Variants in TRPM3 observed in about 807,000 individuals in gnomAD.
The protein encoded by TRPM3 is transient receptor potential cation channel subfamily M member 3.
A neutral mutation model predicts 181.2 loss-of-function variants in TRPM3; 77 were observed. The observed-to-expected ratio is 0.42, with a 90% CI of 0.35 to 0.51. TRPM3 has a LOEUF of 0.51. TRPM3 is among the 20% of genes least tolerant of loss of function. The probability of loss-of-function intolerance (pLI) is 0.01; values close to 1 mark genes in which losing one functional copy is unlikely to be tolerated. For synonymous variants in TRPM3, 745 were observed against 796.4 expected (o/e 0.94, Z 1.09); for missense variants, 1,759 against 2,196.7 (o/e 0.80, Z 3.98).
intron 1 of TRPM3, among the ~76,000 whole-genome samples, chr9:71,037,342 T>C (rs1410579740): frequency 6.6e-6 from 1 of 152,164 alleles, no homozygotes; most frequent in African/African-American, 2.4e-5. Context: ...AATACTAAAT[T>C]TAAAGTTTGA....
At chr9:70,668,672 GAAAAAAA>G (rs57929544) in intron 9 of TRPM3, among the ~76,000 whole-genome samples, 119 of 86,518 alleles carry the variant, frequency 1.4e-3, no homozygotes, top group African/African-American at 3.8e-3. Context: ...CTCAAAAAAA[GAAAAAAA>G]AAAAAAAAAA....
chr9:70,566,425 G>A (rs1202979558), intron 22 of TRPM3, among the ~76,000 whole-genome samples: 1 of 152,158 alleles, frequency 6.6e-6, no homozygotes, highest in Non-Finnish European at 1.5e-5. Flanking sequence ...AGAGGAAAGA[G>A]CACCGAGAGG....
At chr9:70,604,696 T>C (rs2060683677) in intron 19 of TRPM3, among the ~76,000 whole-genome samples, 1 of 152,168 alleles carries the variant, frequency 6.6e-6, no homozygotes, top group Non-Finnish European at 1.5e-5. Flanking sequence ...CAGGCTGGAG[T>C]GCAGTGGCAT....
At chr9:70,543,251 A>G (rs1167089783) in intron 25 of TRPM3, among the ~76,000 whole-genome samples, 1 of 152,030 alleles carries the variant, frequency 6.6e-6, no homozygotes, top group Admixed American at 6.5e-5. Flanking sequence ...TATGGAGTAC[A>G]TGAGATGTTT....
intron 1 of TRPM3, among the ~76,000 whole-genome samples, chr9:71,126,735 A>G (rs2074053436): frequency 6.6e-6 from 1 of 152,188 alleles, no homozygotes; most frequent in South Asian, 2.1e-4. Flanking sequence ...TCTCATAACT[A>G]CAATTGTTAT....
At chr9:71,263,690 A>G (rs1217067980) in intron 1 of TRPM3, among the ~76,000 whole-genome samples, 1 of 152,234 alleles carries the variant, frequency 6.6e-6, no homozygotes, top group Non-Finnish European at 1.5e-5. Context: ...TCCAGGTACA[A>G]GATGTCCATG....
intron 8 of TRPM3, among the ~76,000 whole-genome samples, chr9:70,697,797 G>T (rs562446766): frequency 1.6e-4 from 24 of 152,260 alleles, no homozygotes; most frequent in African/African-American, 5.8e-4. Context: ...AATGGTATAT[G>T]GTTCTCCAGC....
At chr9:71,342,910 C>A (rs2091055308) in intron 1 of TRPM3, among the ~76,000 whole-genome samples, 2 of 152,018 alleles carry the variant, frequency 1.3e-5, no homozygotes, top group African/African-American at 4.8e-5. Context: ...AGCTATCAAG[C>A]TACAACAAAA....
chr9:70,808,102 A>G (rs2091091967), intron 6 of TRPM3, among the ~76,000 whole-genome samples: 2 of 152,198 alleles, frequency 1.3e-5, no homozygotes, highest in Admixed American at 6.5e-5. Flanking sequence ...GATGAAAAAT[A>G]TGAAAGGTAG....
intron 8 of TRPM3, chr9:70,760,784 T>C (rs1292868120): frequency 6.6e-6 from 1 of 152,024 alleles, no homozygotes; most frequent in Non-Finnish European, 1.5e-5. Context: ...GGTGATCCAC[T>C]GCATTGGCTT....
intron 1 of TRPM3, among the ~76,000 whole-genome samples, chr9:71,323,002 C>A (rs1310082866): frequency 6.6e-6 from 1 of 151,984 alleles, no homozygotes; most frequent in Non-Finnish European, 1.5e-5. Flanking sequence ...ATCTTTTTTG[C>A]CCTTTGTTAA....
intron 22 of TRPM3, among the ~76,000 whole-genome samples, chr9:70,581,410 A>G (rs1438115078): frequency 1.3e-5 from 2 of 152,246 alleles, no homozygotes; most frequent in Non-Finnish European, 2.9e-5. Flanking sequence ...AGCCGCAGGA[A>G]GCGACTCGCT....
At chr9:71,246,550 A>C (rs990886118) in intron 1 of TRPM3, among the ~76,000 whole-genome samples, 1 of 152,250 alleles carries the variant, frequency 6.6e-6, no homozygotes, top group Non-Finnish European at 1.5e-5. Context: ...AAGGAAAAAG[A>C]AAAGCAAACA....
At position 70,610,819 on chromosome 9, in the gene TRPM3, T is replaced by A. The variant is rs961898187; in HGVS notation, c.2527-70A>T. 3.8e-6 allele frequency: 6 copies of A among 1,565,258 alleles called. No homozygotes were observed. The African/African-American group carries it at 8.2e-5, about 21-fold the overall frequency. On this transcript the variant is annotated intron_variant, in intron 18 of 25. Transcript: ENST00000677713. ...AGCATGTTGTTCAATGTGCTTACTTTACAGATGAGGAAAGGATGCTCATAG... is the reference window on the plus strand; with the variant it reads ...AGCATGTTGTTCAATGTGCTTACTTAACAGATGAGGAAAGGATGCTCATAG...
intron 1 of TRPM3, among the ~76,000 whole-genome samples, chr9:71,300,071 T>C (rs2086637575): frequency 6.6e-6 from 1 of 152,136 alleles, no homozygotes. Flanking sequence ...ATCTCTGTGC[T>C]TGGAGCTGTA....
At chr9:71,312,098 C>T (rs371236494) in intron 1 of TRPM3, among the ~76,000 whole-genome samples, 81 of 152,168 alleles carry the variant, frequency 5.3e-4, no homozygotes, top group Middle Eastern at 3.4e-3. Context: ...AACTTCTTCT[C>T]TGTGAAAGAC....
intron 5 of TRPM3, among the ~76,000 whole-genome samples, chr9:70,841,973 T>C (rs1238202134): frequency 1.3e-5 from 2 of 151,794 alleles, no homozygotes; most frequent in African/African-American, 2.4e-5. Context: ...TTGGGTACGA[T>C]GTTCACTATT....
rs1565557032 is a variant in TRPM3, at chr9:71,420,727, G to GAGAGAGAA, written c.183+25925_183+25926insTTCTCTCT. On this transcript the variant is annotated intron_variant, in intron 1 of 24. Transcript: ENST00000357533. ...AGAGAGAAAGAAAGAGAGAAAGAGA[G>GAGAGAGAA]AGAGAGAGAAAGAGAGAGAAAGAGA... is the stretch of plus-strand genomic sequence containing the variant. Among the ~76,000 whole-genome samples the GAGAGAGAA allele has an allele frequency of 8.5e-3, 387 of 45,322 alleles. 12 individuals are homozygous for GAGAGAGAA. Among genetic ancestry groups the GAGAGAGAA allele is most frequent in the African/African-American group, 9.8e-3 (94 of 9,612 alleles). The allele number at this position is 45,322 out of a possible 152,430, so 29.7% of individuals were successfully genotyped here.
intron 1 of TRPM3, among the ~76,000 whole-genome samples, chr9:71,040,555 G>C (rs2058703002): frequency 6.6e-6 from 1 of 152,104 alleles, no homozygotes; most frequent in African/African-American, 2.4e-5. Flanking sequence ...CCTTTGATTA[G>C]AATTAAAAAC....
Sources: allele counts gnomAD v4.1 joint callset (sites outside exome capture counted in the v4.1 genomes callset), GRCh38; gene constraint gnomAD v4.1.1; transcripts MANE v1.5; gene names NCBI Gene and HGNC (gene_info 2026-07-23, HGNC 2026-07-21).